Variants in DLG2 observed in about 807,000 individuals in gnomAD.
DLG2 encodes the protein disks large homolog 2.
DLG2 carries 45 observed loss-of-function variants against 132.5 expected under a neutral mutation model. That is an observed-to-expected ratio of 0.34 (90% CI 0.27 to 0.44). The LOEUF (loss-of-function observed/expected upper bound fraction) is 0.44, where lower values mean the gene tolerates loss of function less well. Among genes scored for constraint, DLG2 ranks in the 20% least tolerant of loss-of-function variants. The pLI, the probability that DLG2 is intolerant of heterozygous loss-of-function variation, is 1.00. For synonymous variants in DLG2, 424 were observed against 419.6 expected (o/e 1.01, Z -0.13); for missense variants, 1,045 against 1,196.9 (o/e 0.87, Z 1.87).
intron 7 of DLG2, among the ~76,000 whole-genome samples, chr11:84,486,769 T>C (rs775823210): frequency 3.3e-5 from 5 of 152,094 alleles, no homozygotes; most frequent in African/African-American, 1.2e-4. Flanking sequence ...TGAAATATCT[T>C]TCTAATTATA....
intron 6 of DLG2, among the ~76,000 whole-genome samples, chr11:84,822,894 G>A (rs1418029480): frequency 1.3e-5 from 2 of 151,862 alleles, no homozygotes; most frequent in African/African-American, 4.8e-5. Context: ...TGTACACTAC[G>A]TGTATAATTA....
chr11:85,063,720 G>A (rs577803971), intron 6 of DLG2, among the ~76,000 whole-genome samples: 1 of 151,598 alleles, frequency 6.6e-6, no homozygotes, highest in Non-Finnish European at 1.5e-5. Flanking sequence ...ATAAAATCTA[G>A]GCTGTAAAAT....
intron 9 of DLG2, among the ~76,000 whole-genome samples, chr11:84,116,817 T>G (rs1326183811): frequency 6.6e-6 from 1 of 152,206 alleles, no homozygotes; most frequent in Admixed American, 6.5e-5. Flanking sequence ...AAGTGTCAAA[T>G]GAATGTTAGA....
chr11:83,481,121 G>C (rs2093066737), intron 22 of DLG2, among the ~76,000 whole-genome samples: 1 of 152,098 alleles, frequency 6.6e-6, no homozygotes, highest in African/African-American at 2.4e-5. Context: ...ACAGGCAGGA[G>C]ATAAATGGCC....
intron 3 of DLG2, among the ~76,000 whole-genome samples, chr11:85,324,241 T>C (rs1034537150): frequency 6.6e-6 from 1 of 152,162 alleles, no homozygotes; most frequent in Non-Finnish European, 1.5e-5. Context: ...TAGCTTCTAC[T>C]TGTATTTTTT....
At chr11:84,739,769 T>C (rs1036196442) in intron 6 of DLG2, among the ~76,000 whole-genome samples, 1 of 152,196 alleles carries the variant, frequency 6.6e-6, no homozygotes, top group African/African-American at 2.4e-5. Flanking sequence ...CCATTTTACA[T>C]AAAGCAGTAT....
At chr11:85,504,252 A>G (rs1165007551) in intron 3 of DLG2, among the ~76,000 whole-genome samples, 1 of 151,972 alleles carries the variant, frequency 6.6e-6, no homozygotes, top group East Asian at 1.9e-4. Flanking sequence ...TTTTGTTGCC[A>G]TTGCTTTTGG....
intron 6 of DLG2, among the ~76,000 whole-genome samples, chr11:84,922,130 C>T (rs1021216050): frequency 2.7e-5 from 4 of 150,318 alleles, no homozygotes; most frequent in Non-Finnish European, 5.9e-5. Flanking sequence ...CACATTAAAA[C>T]ACTCCCCTAG....
At chr11:83,586,049 C>A (rs11233685) in intron 19 of DLG2, among the ~76,000 whole-genome samples, 6,671 of 152,290 alleles carry the variant, frequency 0.044, 178 homozygotes, top group South Asian at 0.11. Flanking sequence ...TGAGAGTGGG[C>A]ATGACATTTA....
intron 18 of DLG2, among the ~76,000 whole-genome samples, chr11:83,767,341 A>C (rs1475567068): frequency 6.6e-6 from 1 of 152,212 alleles, no homozygotes; most frequent in African/African-American, 2.4e-5. Flanking sequence ...TGATTAGAGA[A>C]TTATCCCATC....
chr11:83,512,416 C>T (rs1053424279), intron 21 of DLG2, among the ~76,000 whole-genome samples: 4 of 152,118 alleles, frequency 2.6e-5, no homozygotes, highest in South Asian at 2.1e-4. Context: ...AAGCAATAAA[C>T]GAGTAATACA....
rs2097246364 is a variant in DLG2 at position 83,594,226 on chromosome 11, T to C, written c.1940+38985A>G. On this transcript the variant is annotated intron_variant, in intron 19 of 27. Transcript: ENST00000376104. ...TCTGCCTTGGCTATCAAGGAACTGATTTCTAATGGTGCAGCTCTAAGATTG... is the reference window on the plus strand; with the variant it reads ...TCTGCCTTGGCTATCAAGGAACTGACTTCTAATGGTGCAGCTCTAAGATTG... 2.6e-5 allele frequency among the ~76,000 whole-genome samples: 4 copies of C among 152,224 alleles called. No individual in the cohort carries two copies. In the South Asian group the frequency reaches 8.3e-4, roughly 31 times the overall value.
chr11:83,876,611 G>A (rs2064847924), intron 15 of DLG2, among the ~76,000 whole-genome samples: 1 of 151,948 alleles, frequency 6.6e-6, no homozygotes, highest in African/African-American at 2.4e-5. Context: ...AGTCCTCTAA[G>A]GTAGATATAA....
chr11:84,455,559 T>C (rs1364592310), intron 7 of DLG2, among the ~76,000 whole-genome samples: 1 of 151,172 alleles, frequency 6.6e-6, no homozygotes, highest in Non-Finnish European at 1.5e-5. Context: ...CTCCCTCTCT[T>C]TGCCCAAATG....
intron 6 of DLG2, among the ~76,000 whole-genome samples, chr11:84,941,503 A>G (rs1315407511): frequency 6.6e-6 from 1 of 152,108 alleles, no homozygotes; most frequent in African/African-American, 2.4e-5. Context: ...TTTATCCTTC[A>G]TTCAATTGAT....
intron 16 of DLG2, among the ~76,000 whole-genome samples, chr11:83,837,485 G>A (rs1053447549): frequency 1.3e-5 from 2 of 152,170 alleles, no homozygotes; most frequent in African/African-American, 4.8e-5. Flanking sequence ...GGTAGAGCCA[G>A]AAACCTAGCT....
At position 85,569,609 on chromosome 11, in the gene DLG2, G is replaced by A. The variant is rs143553794; in HGVS notation, c.40+29048C>T. 5.6e-3 allele frequency among the ~76,000 whole-genome samples: 856 copies of A among 151,962 alleles called. 3 individuals are homozygous for A. The highest frequency in any genetic ancestry group is 0.01 in the Middle Eastern group (3 of 292). ...TTTGTATGATTTCGGCCTTTCAAAC[G>A]TGAAAAAATGCTCATTATCATTAAT... On this transcript the variant is annotated intron_variant, in intron 3 of 27. Transcript: ENST00000376104.
chr11:84,020,704 CT>C (rs1566069640), intron 11 of DLG2, among the ~76,000 whole-genome samples: 1 of 152,094 alleles, frequency 6.6e-6, no homozygotes, highest in East Asian at 1.9e-4. Flanking sequence ...TCTTTCATGC[CT>C]TGTGGGCAAG....
At chr11:83,686,875 C>A (rs1324735628) in intron 18 of DLG2, among the ~76,000 whole-genome samples, 2 of 152,162 alleles carry the variant, frequency 1.3e-5, no homozygotes, top group Non-Finnish European at 2.9e-5. Context: ...TCCTTGCCCC[C>A]AGTACCTCAG....
Sources: gnomAD v4.1 joint callset for allele counts (sites outside exome capture counted in the v4.1 genomes callset) on GRCh38, gnomAD v4.1.1 for gene constraint, MANE v1.5 for transcripts, NCBI Gene and HGNC (gene_info 2026-07-23, HGNC 2026-07-21) for gene names.